The following NLGN1 variants were observed in gnomAD, a reference collection of about 807,000 sequenced individuals.
NLGN1 encodes neuroligin 1, also known as neuroligin-1.
Under a neutral mutation model 65.5 loss-of-function variants are expected in NLGN1, and 12 were observed. That is an observed-to-expected ratio of 0.18 (90% confidence interval 0.12 to 0.30). The LOEUF is 0.30. Ranked by LOEUF, NLGN1 falls within the 10% of genes least tolerant of loss-of-function variation. The pLI is 1.00. For synonymous variants in NLGN1, 350 were observed against 359.5 expected, an observed-to-expected ratio of 0.97 and a Z score of 0.30; for missense variants, 750 against 1,007.1, an observed-to-expected ratio of 0.74 and a Z score of 3.46.
rs183912033 is a variant in NLGN1, at chr3:173,414,526, T to G, written c.-390+16039T>G. On this transcript the variant is annotated intron_variant, in intron 1 of 6. Transcript: ENST00000457714. ...TACATAGAGGCTTCAGTTTGCCACCTCAGAACCTTAGTTAAGAGACTAGAA... is the reference window on the plus strand; with the variant it reads ...TACATAGAGGCTTCAGTTTGCCACCGCAGAACCTTAGTTAAGAGACTAGAA... Among the ~76,000 whole-genome samples, 19 of 151,288 alleles carry G rather than the reference T, an allele frequency of 1.3e-4. No individual in the cohort carries two copies. The East Asian group carries it at 3.5e-3, about 28-fold the overall frequency.
chr3:173,839,609 G>C (rs928330633), intron 4 of NLGN1, among the ~76,000 whole-genome samples: 2 of 152,054 alleles, frequency 1.3e-5, no homozygotes, highest in Non-Finnish European at 2.9e-5. Context: ...TTTTAGTAGA[G>C]ATGGGGTTTT....
At chr3:173,845,407 T>C (rs1204497181) in intron 4 of NLGN1, among the ~76,000 whole-genome samples, 1 of 152,128 alleles carries the variant, frequency 6.6e-6, no homozygotes, top group Non-Finnish European at 1.5e-5. Context: ...TGATCCTCTG[T>C]TGAAGCAAAA....
At chr3:173,937,266 CT>C (rs1422276098) in intron 4 of NLGN1, among the ~76,000 whole-genome samples, 1 of 151,884 alleles carries the variant, frequency 6.6e-6, no homozygotes, top group Non-Finnish European at 1.5e-5. Context: ...TGCATAGGTA[CT>C]TTTTTTTCTT....
At chr3:173,708,270 C>CTCTGACCCTTGGACTCCTGCA (rs1560209925) in intron 3 of NLGN1, among the ~76,000 whole-genome samples, 10 of 152,146 alleles carry the variant, frequency 6.6e-5, no homozygotes. Flanking sequence ...ATTTGGAATC[C>CTCTGACCCTTGGACTCCTGCA]TCTGACCCTT....
intron 2 of NLGN1, among the ~76,000 whole-genome samples, chr3:173,437,995 C>T (rs914872725): frequency 6.6e-6 from 1 of 151,502 alleles, no homozygotes; most frequent in Non-Finnish European, 1.5e-5. Flanking sequence ...TCCAAGTCCC[C>T]AATGATTATA....
chr3:173,532,967 TA>T (rs1190605355), intron 2 of NLGN1, among the ~76,000 whole-genome samples: 1 of 152,180 alleles, frequency 6.6e-6, no homozygotes, highest in Non-Finnish European at 1.5e-5. Flanking sequence ...GATCTTGCAT[TA>T]AAAATGAAAT....
intron 2 of NLGN1, among the ~76,000 whole-genome samples, chr3:173,572,890 G>A (rs1232875674): frequency 6.6e-6 from 1 of 152,054 alleles, no homozygotes; most frequent in East Asian, 1.9e-4. Context: ...TCACTACAAG[G>A]AGACACCTTC....
At chr3:174,159,842 CTTAACCTTCGCTAGGCAT>C (rs1726163860) in intron 4 of NLGN1, among the ~76,000 whole-genome samples, 2 of 151,812 alleles carry the variant, frequency 1.3e-5, no homozygotes, top group East Asian at 3.9e-4. Flanking sequence ...TATTATTATG[CTTAACCTTCGCTAGGCAT>C]TTAACAAGAT....
intron 4 of NLGN1, among the ~76,000 whole-genome samples, chr3:174,105,676 A>ACTATCTATATGTAGATATAGATATCT: frequency 6.8e-6 from 1 of 146,034 alleles, no homozygotes; most frequent in Non-Finnish European, 1.6e-5. Flanking sequence ...TTGGAGACAT[A>ACTATCTATATGTAGATATAGATATCT]ATATCTATAT....
chr3:174,099,171 C>G (rs537214525), intron 4 of NLGN1, among the ~76,000 whole-genome samples: 1 of 152,042 alleles, frequency 6.6e-6, no homozygotes, highest in East Asian at 1.9e-4. Flanking sequence ...CGTTTTAGTC[C>G]CAGCTATGCC....
intron 4 of NLGN1, among the ~76,000 whole-genome samples, chr3:173,813,347 T>G (rs1003494782): frequency 9.8e-5 from 15 of 152,340 alleles, no homozygotes; most frequent in African/African-American, 3.6e-4. Context: ...GGATCATATA[T>G]TTAAGAGTAA....
At chr3:173,810,586 G>C (rs1717712587) in intron 4 of NLGN1, among the ~76,000 whole-genome samples, 2 of 152,170 alleles carry the variant, frequency 1.3e-5, no homozygotes, top group South Asian at 4.1e-4. Flanking sequence ...GTGTTGATTT[G>C]AACTTGCCAT....
intron 4 of NLGN1, among the ~76,000 whole-genome samples, chr3:173,844,618 C>G (rs761739211): frequency 6.6e-6 from 1 of 152,128 alleles, no homozygotes. Context: ...AACAATTCAT[C>G]TGGTTTCATC....
rs1463337351 is a variant in NLGN1, at chr3:173,595,505, G to T, written c.-320-8774G>T. 4.6e-5 allele frequency among the ~76,000 whole-genome samples: 7 copies of T among 152,284 alleles called. No homozygotes were observed. The East Asian group carries it at 1.4e-3, about 29-fold the overall frequency. On this transcript the variant is annotated intron_variant, in intron 2 of 6. Coordinates refer to ENST00000457714, the Ensembl canonical transcript of NLGN1. ...AAATCATTTAACAAGTCTCTAGGAAGTTCCAAACTTTCCTACATTTTTCGG... is the reference window on the plus strand; with the variant it reads ...AAATCATTTAACAAGTCTCTAGGAATTTCCAAACTTTCCTACATTTTTCGG...
intron 2 of NLGN1, among the ~76,000 whole-genome samples, chr3:173,588,409 C>G (rs114250440): frequency 0.024 from 3,585 of 152,208 alleles, 55 homozygotes; most frequent in Middle Eastern, 0.048. Context: ...TCTGAATAAT[C>G]TCTGCCTTCA....
At chr3:173,639,125 T>C (rs1313612120) in intron 3 of NLGN1, among the ~76,000 whole-genome samples, 2 of 152,342 alleles carry the variant, frequency 1.3e-5, no homozygotes, top group Non-Finnish European at 2.9e-5. Context: ...TATTTCACTA[T>C]GTTTGCTTCC....
At chr3:173,656,499 G>A (rs1386307055) in intron 3 of NLGN1, among the ~76,000 whole-genome samples, 6 of 151,904 alleles carry the variant, frequency 3.9e-5, no homozygotes, top group Non-Finnish European at 8.8e-5. Context: ...ATGTCACTTA[G>A]TGAAAATGTA....
intron 4 of NLGN1, among the ~76,000 whole-genome samples, chr3:173,875,786 C>T (rs1732002214): frequency 6.6e-6 from 1 of 152,128 alleles, no homozygotes; most frequent in Non-Finnish European, 1.5e-5. Flanking sequence ...CTCTGAAGTT[C>T]TAGCAAGAAT....
At chr3:174,082,239 A>G (rs1019524231) in intron 4 of NLGN1, among the ~76,000 whole-genome samples, 1 of 152,202 alleles carries the variant, frequency 6.6e-6, no homozygotes, top group Non-Finnish European at 1.5e-5. Context: ...TAAGATATAT[A>G]CATATATTCC....
Sources: gnomAD v4.1 joint callset for allele counts (sites outside exome capture counted in the v4.1 genomes callset) on GRCh38, gnomAD v4.1.1 for gene constraint, MANE v1.5 for transcripts, NCBI Gene and HGNC (gene_info 2026-07-23, HGNC 2026-07-21) for gene names.